Variants in PRKCE observed in about 807,000 individuals in gnomAD.
PRKCE encodes protein kinase C epsilon.
In PRKCE, 16 loss-of-function variants were observed where a neutral mutation model predicts 85.4. The ratio of observed to expected loss-of-function variants is 0.19; its 90% CI spans 0.13 to 0.28. The LOEUF (loss-of-function observed/expected upper bound fraction) is 0.28, where lower values mean the gene tolerates loss of function less well. PRKCE is among the 10% of genes least tolerant of loss of function. The pLI is 1.00. For missense variants in PRKCE, 573 were observed against 975.2 expected (o/e 0.59, Z 5.49); for synonymous variants, 388 against 371.5 (o/e 1.04, Z -0.51).
At chr2:46,091,137 G>T (rs895760) in intron 11 of PRKCE, among the ~76,000 whole-genome samples, 58,203 of 151,658 alleles carry the variant, frequency 0.38, 13,422 homozygotes, top group Non-Finnish European at 0.51. Flanking sequence ...GACACGGGGT[G>T]GGGGAAGCAG....
chr2:46,136,972 A>G (rs913246007), intron 11 of PRKCE, among the ~76,000 whole-genome samples: 1 of 152,246 alleles, frequency 6.6e-6, no homozygotes, highest in African/African-American at 2.4e-5. Flanking sequence ...AAAGACCTTA[A>G]GTATTTTTCA....
chr2:46,152,071 C>T (rs1459284169), intron 13 of PRKCE, among the ~76,000 whole-genome samples: 1 of 152,244 alleles, frequency 6.6e-6, no homozygotes, highest in African/African-American at 2.4e-5. Flanking sequence ...ATCATTTGCA[C>T]ATTATAGTCA....
rs563861858 is a variant in PRKCE at position 45,774,915 on chromosome 2, G to C, written c.349-68085G>C. ...AAGCCCAGTGACACGGTCCCAGCAA[G>C]GGTGTGGTGAAGGAAGTTGTTTTTC... On this transcript the variant is annotated intron_variant, in intron 1 of 14. Coordinates refer to ENST00000306156, the MANE Select transcript of PRKCE (RefSeq NM_005400.3). This position sits in a 1 kb window ranked among gnomAD's most constrained non-coding sequence, Gnocchi z 4.3. Among the ~76,000 whole-genome samples, 39 of 149,774 alleles carry C rather than the reference G, an allele frequency of 2.6e-4. No individual in the cohort carries two copies. The highest frequency in any genetic ancestry group is 5.3e-4 in the Non-Finnish European group (36 of 67,762).
intron 1 of PRKCE, among the ~76,000 whole-genome samples, chr2:45,693,759 T>G (rs1677927093): frequency 6.6e-6 from 1 of 152,046 alleles, no homozygotes; most frequent in African/African-American, 2.4e-5. Flanking sequence ...CTGAGAGGTT[T>G]GGCAAGGAGA....
chr2:45,809,099 TG>T (rs1688467671), intron 1 of PRKCE, among the ~76,000 whole-genome samples: 1 of 152,170 alleles, frequency 6.6e-6, no homozygotes, highest in Non-Finnish European at 1.5e-5. Context: ...TTGGGCTTGG[TG>T]CATTCTAGCC....
intron 1 of PRKCE, among the ~76,000 whole-genome samples, chr2:45,837,063 A>G (rs1690941599): frequency 6.6e-6 from 1 of 152,196 alleles, no homozygotes; most frequent in African/African-American, 2.4e-5. Flanking sequence ...CCTTGAAGCC[A>G]ATAACCCCCA....
At chr2:45,953,410 A>G (rs906603359) in intron 2 of PRKCE, among the ~76,000 whole-genome samples, 1 of 152,164 alleles carries the variant, frequency 6.6e-6, no homozygotes, top group Non-Finnish European at 1.5e-5. Flanking sequence ...TTCAATTTGG[A>G]TAGAACATCC....
At chr2:45,655,614 C>A (rs550471965) in intron 1 of PRKCE, among the ~76,000 whole-genome samples, 1 of 152,032 alleles carries the variant, frequency 6.6e-6, no homozygotes, top group East Asian at 1.9e-4. Flanking sequence ...CCGTTTGAGT[C>A]CAGAAGTTCA....
chr2:45,848,900 G>C (rs1035213465), intron 2 of PRKCE, among the ~76,000 whole-genome samples: 1 of 152,214 alleles, frequency 6.6e-6, no homozygotes, highest in African/African-American at 2.4e-5. Flanking sequence ...GGCAAGGCTT[G>C]GGTTGGAAAG....
rs142511750 is a variant in PRKCE at position 45,821,045 on chromosome 2, C to G, written c.349-21955C>G. Among the ~76,000 whole-genome samples the G allele has an allele frequency of 7.7e-4, 117 of 152,214 alleles. No homozygotes were observed. In the East Asian group the frequency reaches 0.022, roughly 28 times the overall value. ...TTTGAGCCCCAAGGGTCAGGGGAGCCAAGCCTGGGGTAGGGAGGTGGAGGA... is the reference window on the plus strand; with the variant it reads ...TTTGAGCCCCAAGGGTCAGGGGAGCGAAGCCTGGGGTAGGGAGGTGGAGGA... On this transcript the variant is annotated intron_variant, in intron 1 of 14. Coordinates refer to ENST00000306156, the MANE Select transcript of PRKCE (RefSeq NM_005400.3).
At chr2:45,771,288 A>G (rs1685307257) in intron 1 of PRKCE, among the ~76,000 whole-genome samples, 1 of 152,220 alleles carries the variant, frequency 6.6e-6, no homozygotes, top group African/African-American at 2.4e-5. Flanking sequence ...AGCGAGCAGC[A>G]TCTGTTTATA....
chr2:45,675,022 C>T (rs183750522), intron 1 of PRKCE: 1 of 152,146 alleles, frequency 6.6e-6, no homozygotes, highest in African/African-American at 2.4e-5. Flanking sequence ...GATCCATATG[C>T]CTAATTTTAA....
At chr2:46,109,315 C>G (rs747557854) in intron 11 of PRKCE, among the ~76,000 whole-genome samples, 1 of 152,108 alleles carries the variant, frequency 6.6e-6, no homozygotes, top group Non-Finnish European at 1.5e-5. Context: ...ATTGAAGCTT[C>G]TAATCCATGA....
chr2:45,894,946 C>G (rs1378595600), intron 2 of PRKCE, among the ~76,000 whole-genome samples: 1 of 152,194 alleles, frequency 6.6e-6, no homozygotes, highest in Admixed American at 6.5e-5. Flanking sequence ...TGGTCTCAAA[C>G]TCCTGACCTC....
In PRKCE at chr2:45,907,747, CTG is replaced by C. The variant is rs1697090382; in HGVS notation, c.412+64685_412+64686del. ...GCAGCTGTAGTACCTGAGGGCGTGACTGAGCCAATGGCCACCTCTGGGTCTCT... is the reference window on the plus strand; with the variant it reads ...GCAGCTGTAGTACCTGAGGGCGTGACAGCCAATGGCCACCTCTGGGTCTCT... On this transcript the variant is annotated intron_variant, in intron 2 of 14. Transcript: ENST00000306156. The surrounding 1 kb of genome is among the most constrained non-coding windows in gnomAD (Gnocchi z 4.5). Among the ~76,000 whole-genome samples the C allele has an allele frequency of 6.6e-6, 1 of 152,232 alleles. No homozygotes were observed. Among genetic ancestry groups the C allele is most frequent in the African/African-American group, 2.4e-5 (1 of 41,470 alleles).
intron 2 of PRKCE, among the ~76,000 whole-genome samples, chr2:45,919,581 A>T (rs970444804): frequency 3.3e-5 from 5 of 152,232 alleles, no homozygotes; most frequent in African/African-American, 1.2e-4. Flanking sequence ...TGTTTGGCTC[A>T]CATTTAGAGA....
At chr2:46,108,254 AT>A (rs1671922934) in intron 11 of PRKCE, among the ~76,000 whole-genome samples, 1 of 152,130 alleles carries the variant, frequency 6.6e-6, no homozygotes, top group Non-Finnish European at 1.5e-5. Context: ...CTGAATACAA[AT>A]CCTTTATCAG....
chr2:45,996,277 A>G (rs1177443158), intron 6 of PRKCE, among the ~76,000 whole-genome samples: 2 of 152,154 alleles, frequency 1.3e-5, no homozygotes, highest in African/African-American at 4.8e-5. Flanking sequence ...GATTTTCTAC[A>G]TGGACAATCA....
At chr2:45,979,675 GGTA>G (rs966134195) in intron 4 of PRKCE, among the ~76,000 whole-genome samples, 23 of 152,230 alleles carry the variant, frequency 1.5e-4, no homozygotes, top group African/African-American at 5.5e-4. Flanking sequence ...TCACCCATGG[GGTA>G]GTGTCTGGTG....
Sources: allele counts gnomAD v4.1 joint callset (sites outside exome capture counted in the v4.1 genomes callset), GRCh38; gene constraint gnomAD v4.1.1; non-coding constraint Gnocchi (gnomAD v3.1); transcripts MANE v1.5; gene names NCBI Gene and HGNC (gene_info 2026-07-23, HGNC 2026-07-21).